ARID5B: variants seen among roughly 807,000 people sequenced by gnomAD.
ARID5B encodes the protein AT-rich interaction domain 5B, also known as AT-rich interactive domain-containing protein 5B.
Under a neutral mutation model 97.2 loss-of-function variants are expected in ARID5B, and 13 were observed. The ratio of observed to expected loss-of-function variants is 0.13; its 90% CI spans 0.09 to 0.21. The LOEUF (loss-of-function observed/expected upper bound fraction) is 0.21. Among genes scored for constraint, ARID5B ranks in the 10% least tolerant of loss-of-function variants. The pLI is 1.00. For synonymous variants in ARID5B, 556 were observed against 570.3 expected, an observed-to-expected ratio of 0.97 and a Z score of 0.36; for missense variants, 1,210 against 1,465.3, an observed-to-expected ratio of 0.83 and a Z score of 2.84.
intron 3 of ARID5B, among the ~76,000 whole-genome samples, chr10:61,944,324 T>A (rs776575259): frequency 6.6e-6 from 1 of 152,236 alleles, no homozygotes; most frequent in Non-Finnish European, 1.5e-5. Context: ...TAGTTATTTA[T>A]TTTTGTCTTT....
chr10:61,913,260 C>A (rs539960789), intron 2 of ARID5B, among the ~76,000 whole-genome samples: 2 of 152,308 alleles, frequency 1.3e-5, no homozygotes, highest in South Asian at 4.1e-4. Context: ...TGTCTGCCAA[C>A]ATGTTTGGTT....
In ARID5B at chr10:61,909,323, T is replaced by TTTTTG. The variant is rs1554836577; in HGVS notation, c.276+6914_276+6915insGTTTT. ...TATTTAGTGCTATTCAGTGAGTTTT[T>TTTTTG]TTTTTTTTTTTTTTTTTTTTGAGAC... On this transcript the variant is annotated intron_variant, in intron 2 of 9. Coordinates refer to ENST00000279873, the MANE Select transcript of ARID5B (RefSeq NM_032199.3). Among the ~76,000 whole-genome samples, 104 of 135,938 alleles carry TTTTTG rather than the reference T, an allele frequency of 7.7e-4. 1 individual carries two copies. The highest frequency in any genetic ancestry group is 2.8e-3 in the African/African-American group (99 of 35,910). 89.2% of individuals were successfully genotyped at this position (135,938 alleles called of 152,430 possible).
chr10:61,919,994 A>G (rs1843984370), intron 2 of ARID5B, among the ~76,000 whole-genome samples: 1 of 152,208 alleles, frequency 6.6e-6, no homozygotes, highest in Non-Finnish European at 1.5e-5. Flanking sequence ...CAGTAATTCA[A>G]GAGACAGCCA....
chr10:62,068,583 C>T (rs965119509), intron 7 of ARID5B, among the ~76,000 whole-genome samples: 16 of 151,696 alleles, frequency 1.1e-4, no homozygotes, highest in Non-Finnish European at 2.2e-4. Flanking sequence ...GTGAACTCCG[C>T]TGGCAGCCTC....
At chr10:61,904,083 C>G (rs1469309716) in intron 2 of ARID5B, among the ~76,000 whole-genome samples, 1 of 120,670 alleles carries the variant, frequency 8.3e-6, no homozygotes, top group Non-Finnish European at 1.7e-5. Flanking sequence ...GCGCAGCTGT[C>G]TTCCTCCCCC....
intron 3 of ARID5B, among the ~76,000 whole-genome samples, chr10:61,945,306 TTAA>T (rs1225149683): frequency 2.0e-5 from 3 of 152,226 alleles, no homozygotes; most frequent in Non-Finnish European, 2.9e-5. Context: ...ATAACTTTTA[TTAA>T]TGAGAGCAAT....
At chr10:62,046,703 A>G (rs1200854784) in intron 4 of ARID5B, 1 of 152,100 alleles carries the variant, frequency 6.6e-6, no homozygotes, top group Non-Finnish European at 1.5e-5. Context: ...TTTAAACCAC[A>G]GAGATCTTTC....
chr10:61,940,175 T>G lies in ARID5B; in HGVS notation c.277-8T>G, dbSNP rs770373662. The G allele has an allele frequency of 2.5e-6, 4 of 1,613,840 alleles. No homozygotes were observed. Among genetic ancestry groups the G allele is most frequent in the Non-Finnish European group, 2.5e-6 (3 of 1,179,714 alleles). On this transcript the variant is annotated splice_region_variant and splice_polypyrimidine_tract_variant and intron_variant, in intron 2 of 9. Coordinates refer to ENST00000279873, the MANE Select transcript of ARID5B (RefSeq NM_032199.3). ...CGTTTTTTGTTCTTCCCCAACCACC[T>G]CTTGTAGGATGAAGTCATTGCTGTT... is the stretch of plus-strand genomic sequence containing the variant.
chr10:62,035,987 T>C (rs1021615010), intron 4 of ARID5B, among the ~76,000 whole-genome samples: 6 of 151,306 alleles, frequency 4.0e-5, no homozygotes, highest in Admixed American at 6.6e-5. Context: ...ACCATGCCCA[T>C]GTAATTTTTG....
chr10:61,980,566 C>A (rs1379837809), intron 3 of ARID5B, among the ~76,000 whole-genome samples: 1 of 152,194 alleles, frequency 6.6e-6, no homozygotes, highest in South Asian at 2.1e-4. Flanking sequence ...AACAATGTTT[C>A]ACGTTAAACC....
At chr10:61,940,462 T>G in intron 3 of ARID5B, 54 bp downstream of exon 3, 3 of 1,478,094 alleles carry the variant, frequency 2.0e-6, no homozygotes, top group Non-Finnish European at 2.8e-6. Context: ...TAGTAACTTT[T>G]CGGTTGAAGA....
At chr10:61,935,030 A>T (rs549108144) in intron 2 of ARID5B, among the ~76,000 whole-genome samples, 57 of 151,096 alleles carry the variant, frequency 3.8e-4, no homozygotes, top group Middle Eastern at 6.8e-3. Context: ...AAAAAAAAAG[A>T]TTACAGATCA....
intron 2 of ARID5B, among the ~76,000 whole-genome samples, chr10:61,916,802 G>A (rs16916846): frequency 2.8e-3 from 433 of 152,272 alleles, no homozygotes; most frequent in South Asian, 4.1e-3. Flanking sequence ...AGCTGTATCC[G>A]TCTTTCAAGG....
chr10:61,983,843 A>ATATT (rs1838809975), intron 3 of ARID5B, among the ~76,000 whole-genome samples: 1 of 143,676 alleles, frequency 7.0e-6, no homozygotes, highest in Non-Finnish European at 1.5e-5. Flanking sequence ...AATCCAAATT[A>ATATT]TATTTTTTAA....
At chr10:61,968,916 G>A (rs1011042697) in intron 3 of ARID5B, among the ~76,000 whole-genome samples, 1 of 152,166 alleles carries the variant, frequency 6.6e-6, no homozygotes, top group East Asian at 1.9e-4. Context: ...TTTAACCAAA[G>A]TGAATAGAAC....
intron 4 of ARID5B, among the ~76,000 whole-genome samples, chr10:62,029,086 T>G (rs1839461094): frequency 6.6e-6 from 1 of 152,126 alleles, no homozygotes; most frequent in Admixed American, 6.5e-5. Context: ...TCTCCAAAAC[T>G]GTTCGTGGGA....
At chr10:61,956,042 C>T (rs1172449690) in intron 3 of ARID5B, among the ~76,000 whole-genome samples, 1 of 152,190 alleles carries the variant, frequency 6.6e-6, no homozygotes, top group South Asian at 2.1e-4. Context: ...TTTTATCCAT[C>T]TCTTTGTTAG....
chr10:61,972,823 G>A (rs1417573073), intron 3 of ARID5B, among the ~76,000 whole-genome samples: 1 of 152,140 alleles, frequency 6.6e-6, no homozygotes, highest in Non-Finnish European at 1.5e-5. Context: ...CTAGGTGCTG[G>A]TCAAACTGTA....
In ARID5B at chr10:62,092,176, C is replaced by T; in HGVS notation, c.2713C>T (p.Pro905Ser). The change falls in exon 10 of 10, where the codon CCT becomes TCT. Residue 905 changes from proline to serine, a missense_variant. Coordinates refer to ENST00000279873, the MANE Select transcript of ARID5B (RefSeq NM_032199.3). ...AAAEAPTDDQPTDLSLPKNPH... is the reference protein window; with the variant it reads ...AAAEAPTDDQSTDLSLPKNPH... The stretch of plus-strand genomic sequence containing the variant: ...AGCAGAAGCCCCTACGGATGATCAG[C>T]CTACAGATCTGAGCCTTCCCAAGAA... 1 of 1,609,080 alleles carries T rather than the reference C, an allele frequency of 6.2e-7. No homozygotes were observed. The highest frequency in any genetic ancestry group is 8.5e-7 in the Non-Finnish European group (1 of 1,177,982).
Sources: gnomAD v4.1 joint callset for allele counts (sites outside exome capture counted in the v4.1 genomes callset) on GRCh38, gnomAD v4.1.1 for gene constraint, MANE v1.5 for transcripts, NCBI Gene and HGNC (gene_info 2026-07-23, HGNC 2026-07-21) for gene names.